Variants in XDH observed in about 807,000 individuals in gnomAD.
The protein encoded by XDH is xanthine dehydrogenase, also known as xanthine dehydrogenase/oxidase.
A neutral mutation model predicts 156.1 loss-of-function variants in XDH; 138 were observed. The ratio of observed to expected loss-of-function variants is 0.88; its 90% CI spans 0.77 to 1.02. The LOEUF is 1.02. Among genes scored for constraint, XDH ranks in the 50% least tolerant of loss-of-function variants. The probability of loss-of-function intolerance (pLI) is 0.00; values close to 1 mark genes in which losing one functional copy is unlikely to be tolerated. For synonymous variants in XDH, 669 were observed against 625.7 expected (o/e 1.07, Z -1.03); for missense variants, 1,849 against 1,684.9 (o/e 1.10, Z -1.71).
rs45481895 is a variant in XDH at position 31,341,287 on chromosome 2, G to A, written c.3585+42C>T. On this transcript the variant is annotated intron_variant, in intron 33 of 35. Transcript: ENST00000379416. ...CCCCAGGAGGGGAATGGGGTGCATC[G>A]GTGGCCAAGTCTGTCACCACCCTGG... is the stretch of plus-strand genomic sequence containing the variant. The A allele has an allele frequency of 7.5e-4, 1,156 of 1,543,224 alleles. 29 individuals are homozygous for A. In the East Asian group the frequency reaches 0.027, roughly 36 times the overall value.
chr2:31,378,712 C>T (rs1686348563), intron 13 of XDH, among the ~76,000 whole-genome samples: 1 of 152,106 alleles, frequency 6.6e-6, no homozygotes, highest in Admixed American at 6.6e-5. Context: ...GCTGACAATA[C>T]CCTTTCTTGA....
chr2:31,377,327 T>C, intron 13 of XDH, 90 bp from the exon 14 acceptor site: 1 of 1,443,288 alleles, frequency 6.9e-7, no homozygotes, highest in Non-Finnish European at 9.7e-7. Flanking sequence ...TGAGGTGAGG[T>C]GAGGGGATAA....
At chr2:31,362,752 C>T (rs570945554) in intron 24 of XDH, among the ~76,000 whole-genome samples, 4 of 152,298 alleles carry the variant, frequency 2.6e-5, no homozygotes, top group South Asian at 2.1e-4. Context: ...GGGCCGCCTC[C>T]GCCCATGAAA....
intron 31 of XDH, among the ~76,000 whole-genome samples, chr2:31,342,693 C>G (rs1685159628): frequency 1.2e-5 from 1 of 84,238 alleles, no homozygotes; most frequent in African/African-American, 5.1e-5. Flanking sequence ...CCTGTGGTGG[C>G]TCTTAGACTG....
chr2:31,347,543 G>T lies in XDH; in HGVS notation c.3255C>A (p.Asp1085Glu). The T allele has an allele frequency of 3.1e-6, 5 of 1,614,122 alleles. No homozygotes were observed. Among genetic ancestry groups the T allele is most frequent in the Non-Finnish European group, 4.2e-6 (5 of 1,180,020 alleles). Reference protein sequence around the residue: ...TSPTAASVSADLNGQAVYAAC... With the variant: ...TSPTAASVSAELNGQAVYAAC... ...TTACATAGACGGCCTGTCCATTGAG[G>T]TCAGCGCTGACAGAGGCAGCCGTGG... is the stretch of plus-strand genomic sequence containing the variant. Residue 1085 changes from aspartate to glutamate, a missense_variant, in exon 29 of 36, where the codon GAC (aspartate) becomes GAA (glutamate). Transcript: ENST00000379416.
At chr2:31,407,186 T>C (rs958972612) in intron 1 of XDH, among the ~76,000 whole-genome samples, 1 of 152,178 alleles carries the variant, frequency 6.6e-6, no homozygotes, top group Admixed American at 6.5e-5. Flanking sequence ...GCTTGCTTTG[T>C]GCTACATAAA....
At chr2:31,407,416 G>T (rs146271557) in intron 1 of XDH, among the ~76,000 whole-genome samples, 44 of 152,254 alleles carry the variant, frequency 2.9e-4, no homozygotes, top group African/African-American at 1.0e-3. Context: ...CTGGCTTGGA[G>T]GTCTTTAAAT....
rs1289826974 is a variant in XDH at position 31,394,238 on chromosome 2, G to A, written c.495+3430C>T. ...GTCTACTGGCAACAAATTATCTCAA[G>A]TTTTGTTTGAGAAAATATTTCTCAC... On this transcript the variant is annotated intron_variant, in intron 6 of 35. Coordinates refer to ENST00000379416, the MANE Select transcript of XDH (RefSeq NM_000379.4). Among the ~76,000 whole-genome samples, 4 of 152,120 alleles carry A rather than the reference G, an allele frequency of 2.6e-5. No homozygotes were observed. In the East Asian group the frequency reaches 5.8e-4, roughly 22 times the overall value.
chr2:31,395,484 A>C (rs1234421464), intron 6 of XDH, among the ~76,000 whole-genome samples: 1 of 152,212 alleles, frequency 6.6e-6, no homozygotes, highest in Non-Finnish European at 1.5e-5. Context: ...GGCATATTCC[A>C]AAATGGTTCA....
At chr2:31,366,193 T>G in intron 21 of XDH, 84 bp from the exon 22 acceptor site, 1 of 1,608,232 alleles carries the variant, frequency 6.2e-7, no homozygotes, top group African/African-American at 1.3e-5. Context: ...CCAACATGCA[T>G]GGACCTAATT....
At chr2:31,364,319 CCT>C (rs1685852725) in intron 23 of XDH, 75 bp from the exon 24 acceptor site, 1 of 1,433,240 alleles carries the variant, frequency 7.0e-7, no homozygotes. Context: ...TCTGATCCTC[CCT>C]CCCACTTATG....
At chr2:31,368,426 AC>A in intron 19 of XDH, 114 bp downstream of exon 19, 1 of 1,362,930 alleles carries the variant, frequency 7.3e-7, no homozygotes, top group South Asian at 1.2e-5. Flanking sequence ...GGATTTAAAA[AC>A]CCATCTAGTC....
In XDH at chr2:31,368,584, A is replaced by C; in HGVS notation, c.2057T>G (p.Val686Gly). ...PEHTQRAAQG[V>G]KITYEELPAI... ...TGGTAGTTCTTCATAGGTGATTTTC[A>C]CCCCTTGGGCAGCTCTCTGTGTGTG... is the stretch of plus-strand genomic sequence containing the variant. The change falls in exon 19 of 36, where the codon GTG becomes GGG. Residue 686 changes from valine (V) to glycine (G), a missense_variant. By Grantham distance (109) the Val-to-Gly change is moderately radical. Transcript: ENST00000379416. 1.9e-6 allele frequency: 3 copies of C among 1,613,946 alleles called. No homozygotes were observed. The highest frequency in any genetic ancestry group is 2.5e-6 in the Non-Finnish European group (3 of 1,179,990).
intron 24 of XDH, among the ~76,000 whole-genome samples, chr2:31,356,015 C>T (rs1042538901): frequency 6.6e-6 from 1 of 152,064 alleles, no homozygotes; most frequent in Non-Finnish European, 1.5e-5. Flanking sequence ...AATACAATTA[C>T]CAGAGACAGA....
At chr2:31,357,802 G>C (rs537453698) in intron 24 of XDH, among the ~76,000 whole-genome samples, 2 of 152,086 alleles carry the variant, frequency 1.3e-5, no homozygotes, top group South Asian at 2.1e-4. Flanking sequence ...CTGTATGCCT[G>C]TATCAAAACA....
At chr2:31,404,157 G>C (rs1038291525) in intron 2 of XDH, among the ~76,000 whole-genome samples, 1 of 152,162 alleles carries the variant, frequency 6.6e-6, no homozygotes, top group East Asian at 1.9e-4. Context: ...TACCCTGCCG[G>C]TGTGGCCCCA....
chr2:31,401,220 C>G lies in XDH; in HGVS notation c.306G>C (p.Gln102His). ...GCACAGCTCCCTTTCCTCTGTTTAC[C>G]TGCACAGGATGCAGCCTCGTCTTGG... The part of the protein sequence containing the change: ...GSTKTRLHPV[Q>H]ERIAKSHGSQ... The change falls in exon 4 of 36, where the codon CAG (glutamine) becomes CAC (histidine). Residue 102 changes from glutamine to histidine, a missense_variant and splice_region_variant. Gln to His is a conservative substitution (Grantham distance 24). Transcript: ENST00000379416. 1 of 1,614,110 alleles carries G rather than the reference C, an allele frequency of 6.2e-7. No homozygotes were observed. The highest frequency in any genetic ancestry group is 1.1e-5 in the South Asian group (1 of 91,062).
rs778990765 is a variant in XDH at position 31,383,755 on chromosome 2, C to T, written c.886G>A (p.Gly296Ser). ...ELNSVEHGPDGISFGAACPLS... is the reference protein window; with the variant it reads ...ELNSVEHGPDSISFGAACPLS... ...AAGCTTGGAGTGAACCTCCTCTTAC[C>T]GTCGGGTCCATGTTCTACCGAATTC... The change falls in exon 10 of 36, where the codon GGT (glycine) becomes AGT (serine). Residue 296 changes from glycine (G) to serine (S), a missense_variant and splice_region_variant. Transcript: ENST00000379416. The T allele has an allele frequency of 6.2e-6, 10 of 1,613,516 alleles. No individual in the cohort carries two copies. Among genetic ancestry groups the T allele is most frequent in the African/African-American group, 4.0e-5 (3 of 74,910 alleles).
chr2:31,375,600 A>G (rs371038470), intron 14 of XDH, 46 bp from the exon 15 acceptor site: 22 of 1,599,292 alleles, frequency 1.4e-5, no homozygotes, highest in Non-Finnish European at 1.8e-5. Flanking sequence ...CCAGCCCTCC[A>G]GACCCCTTTG....
Sources: gnomAD v4.1 joint callset for allele counts (sites outside exome capture counted in the v4.1 genomes callset) on GRCh38, gnomAD v4.1.1 for gene constraint, MANE v1.5 for transcripts, NCBI Gene and HGNC (gene_info 2026-07-23, HGNC 2026-07-21) for gene names.